Variants in EIF4ENIF1 observed in about 807,000 individuals in gnomAD.
The protein encoded by EIF4ENIF1 is eukaryotic translation initiation factor 4E transporter.
In EIF4ENIF1, 23 loss-of-function variants were observed where a neutral mutation model predicts 110.5. The ratio of observed to expected loss-of-function variants is 0.21; its 90% CI spans 0.15 to 0.29. EIF4ENIF1 has a LOEUF of 0.29. Among genes scored for constraint, EIF4ENIF1 ranks in the 10% least tolerant of loss-of-function variants. The probability of loss-of-function intolerance (pLI) is 1.00; values close to 1 mark genes in which losing one functional copy is unlikely to be tolerated. For missense variants in EIF4ENIF1, 1,031 were observed against 1,221.1 expected (o/e 0.84, Z 2.32); for synonymous variants, 440 against 437.0 (o/e 1.01, Z -0.09).
At chr22:31,442,160 C>A in intron 16 of EIF4ENIF1, 42 bp from the exon 17 acceptor site, 1 of 1,479,146 alleles carries the variant, frequency 6.8e-7, no homozygotes, top group South Asian at 1.2e-5. Context: ...AAACCTCTCC[C>A]AAACACTTGT....
chr22:31,463,980 G>C lies in EIF4ENIF1; in HGVS notation c.299-13C>G. On this transcript the variant is annotated splice_polypyrimidine_tract_variant and intron_variant, in intron 4 of 18. Coordinates refer to ENST00000330125, the MANE Select transcript of EIF4ENIF1 (RefSeq NM_019843.4). ...CGCTCTCGTGGATCTGGAAGGACGT[G>C]GGAAAGACAAAGTTAAACAAACCAA... 1.2e-6 allele frequency: 2 copies of C among 1,604,832 alleles called. No individual in the cohort carries two copies. Among genetic ancestry groups the C allele is most frequent in the Non-Finnish European group, 1.7e-6 (2 of 1,177,016 alleles).
chr22:31,451,501 C>T (rs149451564), intron 10 of EIF4ENIF1, among the ~76,000 whole-genome samples: 33 of 151,744 alleles, frequency 2.2e-4, no homozygotes, highest in African/African-American at 3.6e-4. Flanking sequence ...GTCTCGATCT[C>T]CTGACCTCGT....
At chr22:31,451,733 C>G (rs1282406196) in intron 10 of EIF4ENIF1, among the ~76,000 whole-genome samples, 1 of 151,504 alleles carries the variant, frequency 6.6e-6, no homozygotes, top group African/African-American at 2.4e-5. Context: ...TTCAAGCAAC[C>G]CTCCCACCTT....
At chr22:31,443,401 G>A in intron 15 of EIF4ENIF1, 1 of 223,974 alleles carries the variant, frequency 4.5e-6, no homozygotes, top group African/African-American at 3.1e-5. Context: ...AATATAACTT[G>A]GAGCAACAGA....
intron 2 of EIF4ENIF1, among the ~76,000 whole-genome samples, chr22:31,478,158 G>A (rs150900624): frequency 1.4e-4 from 21 of 152,260 alleles, no homozygotes; most frequent in African/African-American, 4.8e-4. Flanking sequence ...GATGCTTAAG[G>A]TGGTATCCCA....
At chr22:31,487,793 CAAA>C (rs35367724) in intron 2 of EIF4ENIF1, among the ~76,000 whole-genome samples, 8 of 69,006 alleles carry the variant, frequency 1.2e-4, no homozygotes, top group Admixed American at 3.4e-4. Flanking sequence ...CTGTCGGGTG[CAAA>C]AAAAAAAAAA....
In EIF4ENIF1 at chr22:31,454,089, G is replaced by GA; in HGVS notation, c.1512+54dup. The stretch of plus-strand genomic sequence containing the variant: ...TTTAAAAATCCTTTTATTGTGGTGG[G>GA]AAAAAGAAGAAAAAAAAAGGAGAAA... On this transcript the variant is annotated intron_variant, in intron 10 of 18. Transcript: ENST00000330125. The GA allele has an allele frequency of 2.0e-6, 3 of 1,505,522 alleles. No individual in the cohort carries two copies. In the South Asian group the frequency reaches 3.5e-5, roughly 18 times the overall value. The allele number at this position is 1,505,522 out of a possible 1,614,324, so 93.3% of individuals were successfully genotyped here.
At chr22:31,442,737 T>C (rs1249213528) in intron 16 of EIF4ENIF1, among the ~76,000 whole-genome samples, 1 of 152,222 alleles carries the variant, frequency 6.6e-6, no homozygotes, top group Non-Finnish European at 1.5e-5. Context: ...CGTCTGGTAG[T>C]AGCACTCTTA....
Position 31,463,907 on chromosome 22 carries a change from C to T in EIF4ENIF1, c.359G>A (p.Ser120Asn), listed in dbSNP as rs1296922599. 2 of 1,614,206 alleles carry T rather than the reference C, an allele frequency of 1.2e-6. No homozygotes were observed. The highest frequency in any genetic ancestry group is 3.3e-5 in the Admixed American group (2 of 60,012). ...TGTCACGTGGCAGCCCCCTCCAAAG[C>T]TCCGTCTCTGAGGGCTGAGAACAAC... ...LDVVLSPQRR[S>N]FGGGCHVTAA... Residue 120 changes from serine to asparagine, a missense_variant, in exon 5 of 19, where the codon AGC (serine) becomes AAC (asparagine). By Grantham distance (46) the Ser-to-Asn change is conservative (BLOSUM62 1). Transcript: ENST00000330125.
chr22:31,484,355 T>A (rs1029558821), intron 2 of EIF4ENIF1, among the ~76,000 whole-genome samples: 1 of 152,094 alleles, frequency 6.6e-6, no homozygotes, highest in Non-Finnish European at 1.5e-5. Flanking sequence ...CTTCTACTCA[T>A]GGGGGAAAAA....
In EIF4ENIF1 at chr22:31,450,747, TATACACACATAC is replaced by T; in HGVS notation, c.1513-399_1513-388del. The stretch of plus-strand genomic sequence containing the variant: ...ACACACACACACACACACACTCATA[TATACACACATAC>T]ATATATACATACATATATACACACA... On this transcript the variant is annotated intron_variant, in intron 10 of 18. Transcript: ENST00000330125. 3 of 270,236 alleles carry T rather than the reference TATACACACATAC, an allele frequency of 1.1e-5. No individual in the cohort carries two copies. In the East Asian group the frequency reaches 2.7e-4, roughly 25 times the overall value. 16.7% of individuals were successfully genotyped at this position (270,236 alleles called of 1,614,324 possible).
intron 2 of EIF4ENIF1, among the ~76,000 whole-genome samples, chr22:31,476,771 G>A (rs2051586516): frequency 6.6e-6 from 1 of 151,892 alleles, no homozygotes; most frequent in Non-Finnish European, 1.5e-5. Context: ...GGGAGGCAGA[G>A]GTTGCAGTGA....
At position 31,439,764 on chromosome 22, in the gene EIF4ENIF1, A is replaced by C; in HGVS notation, c.*116T>G. 6.9e-7 allele frequency: 1 copy of C among 1,451,280 alleles called. No individual in the cohort carries two copies. The highest frequency in any genetic ancestry group is 1.4e-5 in the South Asian group (1 of 72,694). The allele number at this position is 1,451,280 out of a possible 1,614,324, so 89.9% of individuals were successfully genotyped here. A position where few individuals can be genotyped will look rare whatever the true frequency, so the allele number is the denominator to read the frequency against. ...CACACCAGATGCATGGGTTCCACCA[A>C]ACAGCTTCACACAGAGTGCTCCAAA... is the stretch of plus-strand genomic sequence containing the variant. On this transcript the variant is annotated 3_prime_UTR_variant, in exon 19 of 19. Transcript: ENST00000330125.
At chr22:31,478,068 G>A (rs141544178) in intron 2 of EIF4ENIF1, among the ~76,000 whole-genome samples, 9 of 152,132 alleles carry the variant, frequency 5.9e-5, no homozygotes, top group African/African-American at 1.9e-4. Flanking sequence ...CAAGGTCCAC[G>A]TGGACATTTA....
chr22:31,451,059 T>C (rs2050657735), intron 10 of EIF4ENIF1: 1 of 152,120 alleles, frequency 6.6e-6, no homozygotes, highest in African/African-American at 2.4e-5. Context: ...TTTTATATTT[T>C]TTGTAGAGAT....
chr22:31,444,358 C>T (rs974163709), intron 15 of EIF4ENIF1: 145 of 419,466 alleles, frequency 3.5e-4, no homozygotes, highest in African/African-American at 2.6e-3. Flanking sequence ...TATATCACCT[C>T]GTGTGCCCTG....
chr22:31,478,646 T>A (rs887725485), intron 2 of EIF4ENIF1, among the ~76,000 whole-genome samples: 12 of 149,800 alleles, frequency 8.0e-5, no homozygotes, highest in Non-Finnish European at 1.8e-4. Context: ...TGAAACCCTG[T>A]CTCTACTGAA....
At chr22:31,469,573 A>G (rs1355621954) in intron 3 of EIF4ENIF1, among the ~76,000 whole-genome samples, 1 of 152,252 alleles carries the variant, frequency 6.6e-6, no homozygotes, top group Non-Finnish European at 1.5e-5. Flanking sequence ...TAAGAGCCCA[A>G]CAAATTTTAG....
At chr22:31,464,008 A>T in intron 4 of EIF4ENIF1, 41 bp from the exon 5 acceptor site, 4 of 1,578,628 alleles carry the variant, frequency 2.5e-6, no homozygotes, top group Non-Finnish European at 3.4e-6. Flanking sequence ...CAAACCAACA[A>T]GGGTGTTTTC....
Sources: gnomAD v4.1 joint callset for allele counts (sites outside exome capture counted in the v4.1 genomes callset) on GRCh38, gnomAD v4.1.1 for gene constraint, MANE v1.5 for transcripts, NCBI Gene and HGNC (gene_info 2026-07-23, HGNC 2026-07-21) for gene names.